The following MDGA2 variants were observed in gnomAD, a reference collection of about 807,000 sequenced individuals.
The protein encoded by MDGA2 is MAM domain-containing glycosylphosphatidylinositol anchor protein 2.
A neutral mutation model predicts 117.8 loss-of-function variants in MDGA2; 40 were observed. That is an observed-to-expected ratio of 0.34 (90% CI 0.26 to 0.44). The LOEUF (loss-of-function observed/expected upper bound fraction) is 0.44. Ranked by LOEUF, MDGA2 falls within the 20% of genes least tolerant of loss-of-function variation. The pLI is 1.00. For synonymous variants in MDGA2, 452 were observed against 439.0 expected (o/e 1.03, Z -0.37); for missense variants, 1,123 against 1,250.6 (o/e 0.90, Z 1.54).
chr14:46,864,584 G>A (rs1333284946), intron 14 of MDGA2, among the ~76,000 whole-genome samples: 2 of 57,106 alleles, frequency 3.5e-5, no homozygotes, highest in African/African-American at 1.1e-4. Context: ...CAAATTAAAG[G>A]TTTGTTGTAA....
intron 3 of MDGA2, among the ~76,000 whole-genome samples, chr14:47,165,679 C>T (rs1883840910): frequency 1.3e-5 from 2 of 152,184 alleles, no homozygotes; most frequent in African/African-American, 4.8e-5. Flanking sequence ...GTCTCCAATG[C>T]TGGTATGGAT....
intron 10 of MDGA2, among the ~76,000 whole-genome samples, chr14:46,910,470 G>A (rs1276879713): frequency 1.3e-5 from 2 of 151,932 alleles, no homozygotes; most frequent in Non-Finnish European, 2.9e-5. Context: ...CTGTTCCTAT[G>A]GTCCTTCATG....
At chr14:47,627,544 G>A (rs561691087) in intron 1 of MDGA2, among the ~76,000 whole-genome samples, 2 of 152,084 alleles carry the variant, frequency 1.3e-5, no homozygotes, top group African/African-American at 4.8e-5. Context: ...TGGGGGCCTG[G>A]AGAACTTTTG....
intron 1 of MDGA2, among the ~76,000 whole-genome samples, chr14:47,397,737 A>G (rs1248706513): frequency 1.3e-5 from 2 of 152,218 alleles, no homozygotes; most frequent in African/African-American, 2.4e-5. Flanking sequence ...ATATAAATAC[A>G]TGTAAACACA....
intron 11 of MDGA2, among the ~76,000 whole-genome samples, chr14:46,880,528 G>C (rs1306557001): frequency 2.6e-5 from 4 of 151,728 alleles, no homozygotes; most frequent in Non-Finnish European, 4.4e-5. Flanking sequence ...TCTAGGCTGA[G>C]TGCAGTGGCT....
intron 4 of MDGA2, among the ~76,000 whole-genome samples, chr14:47,137,769 G>C (rs569450703): frequency 2.6e-5 from 4 of 152,058 alleles, no homozygotes; most frequent in African/African-American, 9.7e-5. Flanking sequence ...AAAAAAGAAA[G>C]AAAAGCCTCT....
At chr14:47,561,356 T>A (rs1316331363) in intron 1 of MDGA2, among the ~76,000 whole-genome samples, 1 of 152,024 alleles carries the variant, frequency 6.6e-6, no homozygotes, top group Non-Finnish European at 1.5e-5. Flanking sequence ...AATCTTCCCA[T>A]CCATGAGCAT....
intron 1 of MDGA2, among the ~76,000 whole-genome samples, chr14:47,326,700 C>A (rs1890153793): frequency 6.6e-6 from 1 of 151,664 alleles, no homozygotes; most frequent in East Asian, 1.9e-4. Context: ...CACACACACA[C>A]ACACACAATT....
In MDGA2 at chr14:47,555,300, T is replaced by C. The variant is rs535379304; in HGVS notation, c.280+119217A>G. On this transcript the variant is annotated intron_variant, in intron 1 of 16. Transcript: ENST00000399232. ...ACAATGCTGCAACTTTCTCAGTCACTGGAGTCTCATTCTTATAAGAACTGA... is the reference window on the plus strand; with the variant it reads ...ACAATGCTGCAACTTTCTCAGTCACCGGAGTCTCATTCTTATAAGAACTGA... Among the ~76,000 whole-genome samples, 356 of 152,292 alleles carry C rather than the reference T, an allele frequency of 2.3e-3. 1 individual carries two copies. Among genetic ancestry groups the C allele is most frequent in the African/African-American group, 8.1e-3 (335 of 41,556 alleles).
At chr14:46,917,179 T>C (rs565913261) in intron 10 of MDGA2, among the ~76,000 whole-genome samples, 44 of 151,886 alleles carry the variant, frequency 2.9e-4, no homozygotes, top group African/African-American at 9.9e-4. Flanking sequence ...AAATGAGACA[T>C]AATAAAAAAA....
intron 3 of MDGA2, among the ~76,000 whole-genome samples, chr14:47,187,559 C>T (rs181008801): frequency 2.0e-4 from 31 of 152,126 alleles, no homozygotes; most frequent in Non-Finnish European, 2.1e-4. Context: ...GACTCTAGTT[C>T]ATTCATTTTC....
intron 3 of MDGA2, among the ~76,000 whole-genome samples, chr14:47,153,976 C>G (rs929981890): frequency 9.9e-5 from 15 of 152,000 alleles, no homozygotes; most frequent in African/African-American, 3.1e-4. Flanking sequence ...CTGTACTTTA[C>G]AGAGTGAAAG....
rs554733168 is a variant in MDGA2, at chr14:47,422,136, A to T, written c.281-120586T>A. On this transcript the variant is annotated intron_variant, in intron 1 of 16. Transcript: ENST00000399232. ...TTCTGATTTTTATTTCCAAATTCAT[A>T]AATTTTCTACTCTCTTCCTTGGTTA... Among the ~76,000 whole-genome samples, 4 of 152,254 alleles carry T rather than the reference A, an allele frequency of 2.6e-5. No homozygotes were observed. The Middle Eastern group carries it at 0.014, about 518-fold the overall frequency.
intron 1 of MDGA2, among the ~76,000 whole-genome samples, chr14:47,366,706 T>C (rs1044917843): frequency 5.9e-5 from 9 of 151,922 alleles, no homozygotes; most frequent in African/African-American, 2.2e-4. Context: ...TCAGTACAGA[T>C]TGAGTACAGT....
At chr14:47,469,650 G>A (rs536018511) in intron 1 of MDGA2, among the ~76,000 whole-genome samples, 12 of 152,136 alleles carry the variant, frequency 7.9e-5, no homozygotes, top group Non-Finnish European at 1.6e-4. Flanking sequence ...ATGATTTATA[G>A]TCCTTTGGGT....
chr14:47,080,835 C>T (rs1890684226), intron 6 of MDGA2, among the ~76,000 whole-genome samples: 1 of 152,190 alleles, frequency 6.6e-6, no homozygotes. Flanking sequence ...TTTTCAATCT[C>T]CATCTTGCTG....
chr14:47,197,771 T>A (rs1885341219), intron 3 of MDGA2, among the ~76,000 whole-genome samples: 1 of 152,058 alleles, frequency 6.6e-6, no homozygotes, highest in South Asian at 2.1e-4. Flanking sequence ...TAGCTGGGCA[T>A]GGTGGTGTGC....
At position 47,359,547 on chromosome 14, in the gene MDGA2, G is replaced by T. The variant is rs150641506; in HGVS notation, c.281-57997C>A. ...CACCAATAATGCACAATGAGGAATG[G>T]ATAGTTTCTCCAGTGCTGTTGGGAA... is the stretch of plus-strand genomic sequence containing the variant. On this transcript the variant is annotated intron_variant, in intron 1 of 16. Coordinates refer to ENST00000399232, the MANE Select transcript of MDGA2 (RefSeq NM_001113498.3). 6.6e-5 allele frequency among the ~76,000 whole-genome samples: 10 copies of T among 151,964 alleles called. No individual in the cohort carries two copies. The East Asian group carries it at 1.7e-3, about 27-fold the overall frequency.
chr14:47,129,240 C>T lies in MDGA2; in HGVS notation c.925+2474G>A, dbSNP rs201340364. ...AGGTATATCTCCCAATGCTATAGCT[C>T]CCCCCCCGACCCCACAACAGTCCCC... On this transcript the variant is annotated intron_variant, in intron 5 of 16. Coordinates refer to ENST00000399232, the MANE Select transcript of MDGA2 (RefSeq NM_001113498.3). Among the ~76,000 whole-genome samples, 5 of 119,982 alleles carry T rather than the reference C, an allele frequency of 4.2e-5. No individual in the cohort carries two copies. The East Asian group carries it at 6.3e-4, about 15-fold the overall frequency. The allele number at this position is 119,982 out of a possible 152,430, so 78.7% of individuals were successfully genotyped here.
Sources: gnomAD v4.1 joint callset for allele counts (sites outside exome capture counted in the v4.1 genomes callset) on GRCh38, gnomAD v4.1.1 for gene constraint, MANE v1.5 for transcripts, NCBI Gene and HGNC (gene_info 2026-07-23, HGNC 2026-07-21) for gene names.